SLCO3A1: variants seen among roughly 807,000 people sequenced by gnomAD.
SLCO3A1 encodes solute carrier organic anion transporter family member 3A1.
SLCO3A1 carries 27 observed loss-of-function variants against 63.1 expected under a neutral mutation model. The ratio of observed to expected loss-of-function variants is 0.43; its 90% CI spans 0.32 to 0.59. The LOEUF (loss-of-function observed/expected upper bound fraction) is 0.59. Ranked by LOEUF, SLCO3A1 falls within the 20% of genes least tolerant of loss-of-function variation. The probability of loss-of-function intolerance (pLI) is 0.09; values close to 1 mark genes in which losing one functional copy is unlikely to be tolerated. For missense variants in SLCO3A1, 773 were observed against 945.8 expected (o/e 0.82, Z 2.40); for synonymous variants, 473 against 409.9 (o/e 1.15, Z -1.86).
At chr15:92,078,591 C>T (rs1460200728) in intron 2 of SLCO3A1, among the ~76,000 whole-genome samples, 1 of 152,156 alleles carries the variant, frequency 6.6e-6, no homozygotes, top group East Asian at 1.9e-4. Context: ...CTGCCTTTGC[C>T]CAGGCTGTTC....
chr15:92,005,387 TG>T (rs1449470778), intron 2 of SLCO3A1, among the ~76,000 whole-genome samples: 1 of 152,226 alleles, frequency 6.6e-6, no homozygotes, highest in African/African-American at 2.4e-5. Flanking sequence ...CAAGAGCGTC[TG>T]GAAAGTTGAT....
rs1309613474 is a variant in SLCO3A1 at position 92,165,766 on chromosome 15, G to A, written c.*2631G>A. The A allele has an allele frequency of 1.2e-6, 1 of 825,398 alleles. No homozygotes were observed. Among genetic ancestry groups the A allele is most frequent in the African/African-American group, 2.2e-5 (1 of 46,330 alleles). The allele number at this position is 825,398 out of a possible 1,614,324, so 51.1% of individuals were successfully genotyped here. The stretch of plus-strand genomic sequence containing the variant: ...TTTAATTTGCCTTTTGTGCTCTAAA[G>A]AAGCATTGTACATACAACACTAGAT... On this transcript the variant is annotated 3_prime_UTR_variant, in exon 10 of 10. Coordinates refer to ENST00000318445, the MANE Select transcript of SLCO3A1 (RefSeq NM_013272.4).
At chr15:92,171,106 C>A (rs1028650432) in intron 10 of SLCO3A1, 1 of 152,210 alleles carries the variant, frequency 6.6e-6, no homozygotes, top group Non-Finnish European at 1.5e-5. Flanking sequence ...ATAGAGACTT[C>A]TGTGGCCTCG....
At chr15:92,024,074 A>G (rs765446756) in intron 2 of SLCO3A1, among the ~76,000 whole-genome samples, 38 of 152,304 alleles carry the variant, frequency 2.5e-4, no homozygotes, top group Non-Finnish European at 4.9e-4. Flanking sequence ...GGTGGCACTT[A>G]GCATTTAAAT....
chr15:91,879,185 C>T (rs1451527908), intron 1 of SLCO3A1, among the ~76,000 whole-genome samples: 1 of 152,156 alleles, frequency 6.6e-6, no homozygotes, highest in Admixed American at 6.6e-5. Flanking sequence ...TATCTGTTGG[C>T]ATAAGGGTTC....
intron 4 of SLCO3A1, among the ~76,000 whole-genome samples, chr15:92,118,874 T>A (rs2047827726): frequency 6.6e-6 from 1 of 152,200 alleles, no homozygotes. Flanking sequence ...CTAACTTTAG[T>A]CTAGTCTCTG....
chr15:91,879,708 A>T (rs952161763), intron 1 of SLCO3A1, among the ~76,000 whole-genome samples: 4 of 152,202 alleles, frequency 2.6e-5, no homozygotes, highest in African/African-American at 9.7e-5. Flanking sequence ...AGATGTCCCT[A>T]TATAGATGTA....
chr15:92,006,264 G>C (rs1251526376), intron 2 of SLCO3A1, among the ~76,000 whole-genome samples: 1 of 152,158 alleles, frequency 6.6e-6, no homozygotes, highest in Non-Finnish European at 1.5e-5. Context: ...TCGCCATCCT[G>C]GTTCTAAGAG....
chr15:91,991,891 A>G (rs761065328), intron 2 of SLCO3A1, among the ~76,000 whole-genome samples: 1 of 151,952 alleles, frequency 6.6e-6, no homozygotes, highest in African/African-American at 2.4e-5. Flanking sequence ...GATAAGTTGA[A>G]TTGGGGGTAA....
At chr15:92,027,045 G>A (rs1030740367) in intron 2 of SLCO3A1, among the ~76,000 whole-genome samples, 19 of 151,662 alleles carry the variant, frequency 1.3e-4, no homozygotes, top group African/African-American at 2.7e-4. Flanking sequence ...AGCCAAGATC[G>A]TGCCATTGCA....
intron 2 of SLCO3A1, among the ~76,000 whole-genome samples, chr15:92,044,028 TC>T (rs2046830266): frequency 6.6e-6 from 1 of 152,154 alleles, no homozygotes; most frequent in African/African-American, 2.4e-5. Flanking sequence ...AGCTACTCCT[TC>T]CAGCTTCAGC....
chr15:92,020,479 C>T (rs1401644428), intron 2 of SLCO3A1, among the ~76,000 whole-genome samples: 2 of 152,214 alleles, frequency 1.3e-5, no homozygotes, highest in Non-Finnish European at 2.9e-5. Flanking sequence ...TGAAAAAATA[C>T]ATCCCAGGTT....
At chr15:92,100,071 AAAAAAAC>A (rs1212138709) in intron 3 of SLCO3A1, among the ~76,000 whole-genome samples, 1 of 152,028 alleles carries the variant, frequency 6.6e-6, no homozygotes, top group Non-Finnish European at 1.5e-5. Context: ...ATCTCAAAAA[AAAAAAAC>A]AAAAAACAAA....
chr15:92,090,027 A>T (rs952910949), intron 2 of SLCO3A1, among the ~76,000 whole-genome samples: 1 of 152,194 alleles, frequency 6.6e-6, no homozygotes, highest in African/African-American at 2.4e-5. Flanking sequence ...CATGATACGT[A>T]TCAACAGAAA....
chr15:91,937,760 G>A (rs1899467761), intron 2 of SLCO3A1, among the ~76,000 whole-genome samples: 1 of 151,838 alleles, frequency 6.6e-6, no homozygotes. Flanking sequence ...ATAAATCTGT[G>A]GAAAGGGAAG....
chr15:91,941,502 C>T lies in SLCO3A1; in HGVS notation c.646+25044C>T, dbSNP rs1474683058. The stretch of plus-strand genomic sequence containing the variant: ...TCAACTCTGAGCCTTGATTGAGTGA[C>T]CTTGGCCAAGTTACCTAGCTTTTCT... On this transcript the variant is annotated intron_variant, in intron 2 of 9. Transcript: ENST00000318445. This position sits in a 1 kb window ranked among gnomAD's most constrained non-coding sequence, Gnocchi z 4.4. 2.2e-6 allele frequency: 1 copy of T among 455,418 alleles called. No individual in the cohort carries two copies. The highest frequency in any genetic ancestry group is 2.0e-5 in the African/African-American group (1 of 49,980). The allele number at this position is 455,418 out of a possible 1,614,324, so 28.2% of individuals were successfully genotyped here. A position where few individuals can be genotyped will look rare whatever the true frequency, so the allele number is the denominator to read the frequency against.
rs749107126 is a variant in SLCO3A1, at chr15:92,126,218, C to T, written c.1332C>T (p.Asp444=). The T allele has an allele frequency of 1.9e-6, 3 of 1,613,958 alleles. No homozygotes were observed. The highest frequency in any genetic ancestry group is 1.6e-4 in the Middle Eastern group (1 of 6,084). The change falls in exon 6 of 10, where the codon GAC becomes GAT. Residue 444 remains aspartate (D), a synonymous_variant. Coordinates refer to ENST00000318445, the MANE Select transcript of SLCO3A1 (RefSeq NM_013272.4). ...CYVSFLFLGC[D]TGPVAGVTVP... is the part of the protein sequence containing the mutation. ...TCTCCTTCCTCTTCCTGGGCTGCGA[C>T]ACTGGCCCTGTGGCTGGGGTTACTG...
At chr15:92,010,166 T>G (rs2046353873) in intron 2 of SLCO3A1, among the ~76,000 whole-genome samples, 1 of 152,180 alleles carries the variant, frequency 6.6e-6, no homozygotes, top group Non-Finnish European at 1.5e-5. Context: ...CCCTGGAAAG[T>G]TTTTGTTGAA....
At chr15:92,028,525 GA>G (rs2046604633) in intron 2 of SLCO3A1, among the ~76,000 whole-genome samples, 1 of 152,166 alleles carries the variant, frequency 6.6e-6, no homozygotes, top group Admixed American at 6.5e-5. Context: ...AATACAGAGA[GA>G]AAAGATGAGG....
Sources: gnomAD v4.1 joint callset for allele counts (sites outside exome capture counted in the v4.1 genomes callset) on GRCh38, gnomAD v4.1.1 for gene constraint, Gnocchi (gnomAD v3.1) non-coding constraint, MANE v1.5 for transcripts, NCBI Gene and HGNC (gene_info 2026-07-23, HGNC 2026-07-21) for gene names.